The following PLAGL1 variants were observed in gnomAD, a reference collection of about 807,000 sequenced individuals.
PLAGL1 encodes the protein PLAG1 like zinc finger 1, also known as zinc finger protein PLAGL1.
PLAGL1 carries 1 observed loss-of-function variant against 4.6 expected under a neutral mutation model. The ratio of observed to expected loss-of-function variants is 0.22; its 90% CI spans 0.08 to 1.03. The LOEUF (loss-of-function observed/expected upper bound fraction) is 1.03. Among genes scored for constraint, PLAGL1 ranks in the 50% least tolerant of loss-of-function variants. The pLI is 0.58. For missense variants in PLAGL1, 464 were observed against 570.4 expected, an observed-to-expected ratio of 0.81 and a Z score of 1.90; for synonymous variants, 240 against 237.8, an observed-to-expected ratio of 1.01 and a Z score of -0.08.
In PLAGL1 at chr6:143,958,667, G is replaced by A. The variant is rs1782693540; in HGVS notation, c.-325+1802C>T. Among the ~76,000 whole-genome samples the A allele has an allele frequency of 6.6e-6, 1 of 152,186 alleles. No homozygotes were observed. The highest frequency in any genetic ancestry group is 6.5e-5 in the Admixed American group (1 of 15,280). Reference sequence around the variant, plus strand: ...GTTCATCCAGGAATAGTTAATTTGAGAAATAAAAATATTTATCACTGGTCC... The same window carrying A: ...GTTCATCCAGGAATAGTTAATTTGAAAAATAAAAATATTTATCACTGGTCC... On this transcript the variant is annotated intron_variant, in intron 6 of 7. Transcript: ENST00000674357. The surrounding 1 kb of genome is among the most constrained non-coding windows in gnomAD (Gnocchi z 5.1).
In PLAGL1 at chr6:143,948,156, T is replaced by C. The variant is rs1020840826; in HGVS notation, c.-20A>G. 1 of 1,609,932 alleles carries C rather than the reference T, an allele frequency of 6.2e-7. No individual in the cohort carries two copies. The highest frequency in any genetic ancestry group is 1.3e-5 in the African/African-American group (1 of 74,962). On this transcript the variant is annotated 5_prime_UTR_variant, in exon 7 of 8. Coordinates refer to ENST00000674357, the MANE Select transcript of PLAGL1 (RefSeq NM_001317162.2). This position sits in a 1 kb window ranked among gnomAD's most constrained non-coding sequence, Gnocchi z 6.0. ...GGCCATGGGCTTTGCTTCTCACACCTTCCTTTTCAGATGTGCTGACCAAAT... is the reference window on the plus strand; with the variant it reads ...GGCCATGGGCTTTGCTTCTCACACCCTCCTTTTCAGATGTGCTGACCAAAT...
chr6:143,996,917 A>G (rs1014608687), intron 1 of PLAGL1, among the ~76,000 whole-genome samples: 2 of 152,180 alleles, frequency 1.3e-5, no homozygotes, highest in African/African-American at 2.4e-5. Context: ...CACAGATCTA[A>G]ATGTAAAAAT....
At position 144,000,750 on chromosome 6, in the gene PLAGL1, G is replaced by C. The variant is rs1180944250; in HGVS notation, c.-584+7340C>G. ...GCTCTATGACATATCAAAATCATTA[G>C]AGTTATCTTAGGAAGATTTGTTCAG... On this transcript the variant is annotated intron_variant, in intron 1 of 7. Transcript: ENST00000674357. This position sits in a 1 kb window ranked among gnomAD's most constrained non-coding sequence, Gnocchi z 4.1. Among the ~76,000 whole-genome samples the C allele has an allele frequency of 6.6e-6, 1 of 152,122 alleles. No individual in the cohort carries two copies. The highest frequency in any genetic ancestry group is 1.5e-5 in the Non-Finnish European group (1 of 67,976).
At chr6:144,037,181 A>G (rs960809184) in intron 1 of PLAGL1, 2 of 153,240 alleles carry the variant, frequency 1.3e-5, no homozygotes, top group African/African-American at 4.8e-5. Flanking sequence ...TGAACCATTT[A>G]AACAGAAAGA....
chr6:143,991,030 C>A (rs1284863156), intron 1 of PLAGL1, among the ~76,000 whole-genome samples: 1 of 152,152 alleles, frequency 6.6e-6, no homozygotes, highest in Non-Finnish European at 1.5e-5. Context: ...TTCCCAACAT[C>A]AGACAGATAA....
rs778472290 is a variant in PLAGL1 at position 143,950,737 on chromosome 6, TATCTC to T, written c.-324-2282_-324-2278del. ...CCCTGCATATACACTTTTCTCAACT[TATCTC>T]AGTAAGTTGATTCTCCCCAATTCTT... On this transcript the variant is annotated intron_variant, in intron 6 of 7. Coordinates refer to ENST00000674357, the MANE Select transcript of PLAGL1 (RefSeq NM_001317162.2). This position sits in a 1 kb window ranked among gnomAD's most constrained non-coding sequence, Gnocchi z 6.3. Among the ~76,000 whole-genome samples, 12 of 152,198 alleles carry T rather than the reference TATCTC, an allele frequency of 7.9e-5. No individual in the cohort carries two copies. The highest frequency in any genetic ancestry group is 2.1e-4 in the South Asian group (1 of 4,826).
At chr6:143,969,668 G>A (rs975441047) in intron 2 of PLAGL1, among the ~76,000 whole-genome samples, 1 of 151,558 alleles carries the variant, frequency 6.6e-6, no homozygotes, top group East Asian at 1.9e-4. Context: ...TTTTAAGAGC[G>A]TCAACTAAGA....
chr6:144,020,255 CCTACT>C, intron 1 of PLAGL1, among the ~76,000 whole-genome samples: 1 of 152,152 alleles, frequency 6.6e-6, no homozygotes, highest in South Asian at 2.1e-4. Context: ...GTTTTAGCCA[CCTACT>C]CTATGGACAC....
chr6:144,003,981 AAAC>A (rs1279153680), intron 1 of PLAGL1, among the ~76,000 whole-genome samples: 1 of 152,222 alleles, frequency 6.6e-6, no homozygotes, highest in Non-Finnish European at 1.5e-5. Flanking sequence ...CCAACAATGA[AAAC>A]AACTCAAATG....
chr6:144,020,621 T>G (rs1051511232), intron 1 of PLAGL1, among the ~76,000 whole-genome samples: 11 of 151,466 alleles, frequency 7.3e-5, no homozygotes, highest in African/African-American at 2.4e-4. Flanking sequence ...TATTCATTTA[T>G]TTATTTTAGA....
chr6:144,011,956 G>A (rs1795220413), upstream of PLAGL1, among the ~76,000 whole-genome samples: 1 of 152,182 alleles, frequency 6.6e-6, no homozygotes, highest in South Asian at 2.1e-4. The surrounding 1 kb of genome is among the most constrained non-coding windows in gnomAD (Gnocchi z 4.3). Context: ...GGTGTGCCCT[G>A]CCTTTCCACA....
intron 6 of PLAGL1, among the ~76,000 whole-genome samples, chr6:143,956,109 A>G (rs1193490639): frequency 6.6e-6 from 1 of 152,224 alleles, no homozygotes; most frequent in Non-Finnish European, 1.5e-5. Flanking sequence ...AACCTAACTT[A>G]TACAGGCGAT....
chr6:144,010,701 A>C (rs1297406257), upstream of PLAGL1, among the ~76,000 whole-genome samples: 4 of 152,222 alleles, frequency 2.6e-5, no homozygotes, highest in African/African-American at 9.7e-5. The surrounding 1 kb of genome is among the most constrained non-coding windows in gnomAD (Gnocchi z 4.1). Context: ...CTGACTTCAA[A>C]CTACACTACA....
Position 143,948,213 on chromosome 6 carries a change from G to A in PLAGL1, c.-77C>T. ...CCATTTAAGCACAAACAGAACGATG[G>A]TGCTGGGCACATCAGCAGAGTCCCT... On this transcript the variant is annotated 5_prime_UTR_variant, in exon 7 of 8. Transcript: ENST00000674357. The surrounding 1 kb of genome is among the most constrained non-coding windows in gnomAD (Gnocchi z 6.0). The A allele has an allele frequency of 1.5e-6, 2 of 1,368,296 alleles. No homozygotes were observed. Among genetic ancestry groups the A allele is most frequent in the South Asian group, 1.3e-5 (1 of 79,994 alleles). The allele number at this position is 1,368,296 out of a possible 1,614,324, so 84.8% of individuals were successfully genotyped here. A position where few individuals can be genotyped will look rare whatever the true frequency, so the allele number is the denominator to read the frequency against.
intron 1 of PLAGL1, among the ~76,000 whole-genome samples, chr6:144,032,596 T>A (rs1366941380): frequency 6.6e-6 from 1 of 151,922 alleles, no homozygotes; most frequent in Admixed American, 6.6e-5. Context: ...GAGTCTTGGT[T>A]TGTCACTCAG....
At chr6:144,012,435 C>G (rs927490542), upstream of PLAGL1, among the ~76,000 whole-genome samples, 1 of 151,966 alleles carries the variant, frequency 6.6e-6, no homozygotes, top group Non-Finnish European at 1.5e-5. This position sits in a 1 kb window ranked among gnomAD's most constrained non-coding sequence, Gnocchi z 4.8. Context: ...GGGAAGTTCG[C>G]CATGTTAGCC....
At chr6:144,043,395 A>G (rs1404447113) in intron 1 of PLAGL1, among the ~76,000 whole-genome samples, 1 of 152,196 alleles carries the variant, frequency 6.6e-6, no homozygotes, top group Non-Finnish European at 1.5e-5. Flanking sequence ...GGGCTGTTGA[A>G]TTTTGTTGAA....
Position 144,053,383 on chromosome 6 carries a change from G to A in PLAGL1, c.-151+11085C>T, listed in dbSNP as rs866229089. Among the ~76,000 whole-genome samples the A allele has an allele frequency of 6.6e-6, 1 of 152,116 alleles. No individual in the cohort carries two copies. Among genetic ancestry groups the A allele is most frequent in the African/African-American group, 2.4e-5 (1 of 41,428 alleles). On this transcript the variant is annotated intron_variant, in intron 1 of 3. Coordinates refer to the PLAGL1 transcript ENST00000437412. The surrounding 1 kb of genome is among the most constrained non-coding windows in gnomAD (Gnocchi z 4.0). ...CTCCTGACCTCAGGTGATCAGCCAC[G>A]ATGGCCTCCCAAATTGCTGGTGTTA...
intron 1 of PLAGL1, among the ~76,000 whole-genome samples, chr6:144,047,894 T>C (rs960183028): frequency 1.3e-5 from 2 of 151,684 alleles, no homozygotes; most frequent in African/African-American, 4.9e-5. Flanking sequence ...GTCCAAAGTC[T>C]CTTCTGAGAC....
Sources: allele counts gnomAD v4.1 joint callset (sites outside exome capture counted in the v4.1 genomes callset), GRCh38; gene constraint gnomAD v4.1.1; non-coding constraint Gnocchi (gnomAD v3.1); transcripts MANE v1.5; gene names NCBI Gene and HGNC (gene_info 2026-07-23, HGNC 2026-07-21).